PLCB1: variants seen among roughly 807,000 people sequenced by gnomAD.
PLCB1 encodes 1-phosphatidylinositol 4,5-bisphosphate phosphodiesterase beta-1.
PLCB1 carries 46 observed loss-of-function variants against 161.8 expected under a neutral mutation model. The ratio of observed to expected loss-of-function variants is 0.28; its 90% CI spans 0.22 to 0.36. The LOEUF is 0.36. Among genes scored for constraint, PLCB1 ranks in the 10% least tolerant of loss-of-function variants. PLCB1 has a pLI of 1.00. For missense variants in PLCB1, 1,016 were observed against 1,472.5 expected (o/e 0.69, Z 5.07); for synonymous variants, 517 against 503.7 (o/e 1.03, Z -0.35).
At chr20:8,448,387 A>G (rs1019004688) in intron 3 of PLCB1, among the ~76,000 whole-genome samples, 3 of 152,154 alleles carry the variant, frequency 2.0e-5, no homozygotes, top group African/African-American at 7.2e-5. Context: ...AGCACATTCC[A>G]TGTTTTTGAT....
chr20:8,683,471 TTTGA>T (rs1435844141), intron 9 of PLCB1, among the ~76,000 whole-genome samples: 1 of 152,228 alleles, frequency 6.6e-6, no homozygotes, highest in East Asian at 1.9e-4. Flanking sequence ...TGTTTGAAGC[TTTGA>T]TTGTCAAGAT....
rs952486454 is a variant in PLCB1 at position 8,720,159 on chromosome 20, T to C, written c.1514-2195T>C. On this transcript the variant is annotated intron_variant, in intron 14 of 31. Coordinates refer to ENST00000338037, the MANE Select transcript of PLCB1 (RefSeq NM_015192.4). Reference sequence around the variant, plus strand: ...TAACACAACTCTATCCGTTGAATGATAGCAAGCAAACCTTGTCTTCCTTTG... The same window carrying C: ...TAACACAACTCTATCCGTTGAATGACAGCAAGCAAACCTTGTCTTCCTTTG... Among the ~76,000 whole-genome samples, 59 of 152,334 alleles carry C rather than the reference T, an allele frequency of 3.9e-4. 1 individual carries two copies. Among genetic ancestry groups the C allele is most frequent in the African/African-American group, 1.3e-3 (52 of 41,580 alleles).
At chr20:8,495,654 T>A (rs899864371) in intron 3 of PLCB1, among the ~76,000 whole-genome samples, 1 of 91,508 alleles carries the variant, frequency 1.1e-5, no homozygotes, top group Admixed American at 1.2e-4. Context: ...GCCTTGGCCT[T>A]CCGAAGTGCT....
intron 2 of PLCB1, among the ~76,000 whole-genome samples, chr20:8,198,511 G>A (rs1205867718): frequency 6.6e-6 from 1 of 152,098 alleles, no homozygotes; most frequent in African/African-American, 2.4e-5. Context: ...ATCTTACCTA[G>A]TATCTTCTTC....
At chr20:8,214,194 C>T (rs1568592733) in intron 2 of PLCB1, among the ~76,000 whole-genome samples, 1 of 152,064 alleles carries the variant, frequency 6.6e-6, no homozygotes, top group Non-Finnish European at 1.5e-5. Flanking sequence ...AGCTATGTAA[C>T]ATAGTTTGGA....
chr20:8,268,577 C>T (rs1257221643), intron 2 of PLCB1, among the ~76,000 whole-genome samples: 4 of 152,132 alleles, frequency 2.6e-5, no homozygotes, highest in Non-Finnish European at 5.9e-5. Flanking sequence ...ATTTACAGTC[C>T]CACCAACAGT....
chr20:8,417,028 C>A (rs1195901596), intron 3 of PLCB1, among the ~76,000 whole-genome samples: 1 of 13,724 alleles, frequency 7.3e-5, no homozygotes, highest in East Asian at 1.5e-3. Flanking sequence ...TATGTGTATA[C>A]ACACACACAC....
intron 10 of PLCB1, among the ~76,000 whole-genome samples, chr20:8,692,378 G>C (rs1207350294): frequency 6.6e-6 from 1 of 152,020 alleles, no homozygotes; most frequent in Non-Finnish European, 1.5e-5. Flanking sequence ...TTTTGCTTTA[G>C]AGCACACACA....
intron 3 of PLCB1, among the ~76,000 whole-genome samples, chr20:8,486,189 A>G (rs1328866488): frequency 6.6e-6 from 1 of 152,162 alleles, no homozygotes; most frequent in African/African-American, 2.4e-5. Context: ...GGATTATGGG[A>G]ACTACAATCT....
At chr20:8,274,325 T>C (rs1982426180) in intron 2 of PLCB1, among the ~76,000 whole-genome samples, 1 of 152,172 alleles carries the variant, frequency 6.6e-6, no homozygotes, top group Non-Finnish European at 1.5e-5. Flanking sequence ...GCATATAAAA[T>C]AGTTTTATAA....
At chr20:8,366,490 T>G (rs1986714604) in intron 2 of PLCB1, among the ~76,000 whole-genome samples, 1 of 152,212 alleles carries the variant, frequency 6.6e-6, no homozygotes, top group Non-Finnish European at 1.5e-5. Flanking sequence ...GAACTTTATG[T>G]TAAACACTGT....
rs1028601192 is a variant in PLCB1 at position 8,132,845 on chromosome 20, G to A, written c.99+95G>A. 42 of 838,158 alleles carry A rather than the reference G, an allele frequency of 5.0e-5. No homozygotes were observed. The Middle Eastern group carries it at 8.9e-4, about 18-fold the overall frequency. 51.9% of individuals were successfully genotyped at this position (838,158 alleles called of 1,614,324 possible). A position where few individuals can be genotyped will look rare whatever the true frequency, so the allele number is the denominator to read the frequency against. ...GGGCAAGGGGCGCGTTATGCAATGG[G>A]CGCACTGGGAGCGGGCAGGGGCAGC... On this transcript the variant is annotated intron_variant, in intron 1 of 31. Coordinates refer to ENST00000338037, the MANE Select transcript of PLCB1 (RefSeq NM_015192.4). The surrounding 1 kb of genome is among the most constrained non-coding windows in gnomAD (Gnocchi z 5.2).
chr20:8,756,826 T>C (rs1271268794), intron 23 of PLCB1, among the ~76,000 whole-genome samples: 1 of 152,158 alleles, frequency 6.6e-6, no homozygotes, highest in Non-Finnish European at 1.5e-5. Flanking sequence ...GGCATAGACA[T>C]AGGTTGGTGT....
chr20:8,132,850 C>A lies in PLCB1; in HGVS notation c.99+100C>A. The A allele has an allele frequency of 1.2e-6, 1 of 805,950 alleles. No homozygotes were observed. The highest frequency in any genetic ancestry group is 2.1e-6 in the Non-Finnish European group (1 of 487,334). The allele number at this position is 805,950 out of a possible 1,614,324, so 49.9% of individuals were successfully genotyped here. A position where few individuals can be genotyped will look rare whatever the true frequency, so the allele number is the denominator to read the frequency against. On this transcript the variant is annotated intron_variant, in intron 1 of 31. Coordinates refer to ENST00000338037, the MANE Select transcript of PLCB1 (RefSeq NM_015192.4). The surrounding 1 kb of genome is among the most constrained non-coding windows in gnomAD (Gnocchi z 5.2). ...AGGGGCGCGTTATGCAATGGGCGCA[C>A]TGGGAGCGGGCAGGGGCAGCCTCGG...
intron 2 of PLCB1, among the ~76,000 whole-genome samples, chr20:8,270,287 C>A (rs974006908): frequency 6.6e-6 from 1 of 152,126 alleles, no homozygotes; most frequent in African/African-American, 2.4e-5. Flanking sequence ...CCACACCCTG[C>A]CCTTCAACTT....
chr20:8,592,393 A>G lies in PLCB1; in HGVS notation c.247-35901A>G, dbSNP rs185455066. On this transcript the variant is annotated intron_variant, in intron 3 of 31. Transcript: ENST00000338037. Reference sequence around the variant, plus strand: ...GTAGGCCTTTTTGACATTTTCAACAATATCTTTACAGAGCAGAGAATAAGC... The same window carrying G: ...GTAGGCCTTTTTGACATTTTCAACAGTATCTTTACAGAGCAGAGAATAAGC... Among the ~76,000 whole-genome samples, 8 of 152,332 alleles carry G rather than the reference A, an allele frequency of 5.3e-5. No homozygotes were observed. The East Asian group carries it at 1.5e-3, about 29-fold the overall frequency.
chr20:8,635,843 G>T (rs929250405), intron 4 of PLCB1, among the ~76,000 whole-genome samples: 1 of 152,100 alleles, frequency 6.6e-6, no homozygotes, highest in Non-Finnish European at 1.5e-5. Context: ...AAAACTTCAG[G>T]AATTTTCTTA....
chr20:8,462,341 C>T (rs1013280758), intron 3 of PLCB1, among the ~76,000 whole-genome samples: 5 of 152,094 alleles, frequency 3.3e-5, no homozygotes, highest in African/African-American at 7.2e-5. Flanking sequence ...AATGACATGA[C>T]GTGCCATCCA....
intron 2 of PLCB1, among the ~76,000 whole-genome samples, chr20:8,227,500 T>C (rs556524856): frequency 6.4e-4 from 97 of 152,276 alleles, no homozygotes; most frequent in African/African-American, 2.2e-3. Context: ...AACCAATCCC[T>C]GAATTAAAAA....
Sources: gnomAD v4.1 joint callset for allele counts (sites outside exome capture counted in the v4.1 genomes callset) on GRCh38, gnomAD v4.1.1 for gene constraint, Gnocchi (gnomAD v3.1) non-coding constraint, MANE v1.5 for transcripts, NCBI Gene and HGNC (gene_info 2026-07-23, HGNC 2026-07-21) for gene names.